Variants in TOX2 observed in about 807,000 individuals in gnomAD.
TOX2 encodes granulosa cell HMG box 1.
In TOX2, 15 loss-of-function variants were observed where a neutral mutation model predicts 47.4. That is an observed-to-expected ratio of 0.32 (90% CI 0.21 to 0.49). The LOEUF (loss-of-function observed/expected upper bound fraction) is 0.49, where lower values mean the gene tolerates loss of function less well. Among genes scored for constraint, TOX2 ranks in the 20% least tolerant of loss-of-function variants. The pLI is 0.99. For missense variants in TOX2, 622 were observed against 673.1 expected (o/e 0.92, Z 0.84); for synonymous variants, 290 against 296.6 (o/e 0.98, Z 0.23).
At chr20:43,982,944 C>T (rs1391080307) in intron 2 of TOX2, among the ~76,000 whole-genome samples, 2 of 151,700 alleles carry the variant, frequency 1.3e-5, no homozygotes, top group African/African-American at 4.8e-5. Context: ...GAGTGAGAAT[C>T]CCAGTGGCTC....
At chr20:44,016,042 T>C (rs1291772657) in intron 3 of TOX2, among the ~76,000 whole-genome samples, 1 of 152,074 alleles carries the variant, frequency 6.6e-6, no homozygotes, top group African/African-American at 2.4e-5. Context: ...AAACATGTTC[T>C]TTTCCATGTC....
intron 1 of TOX2, among the ~76,000 whole-genome samples, chr20:43,918,600 G>A (rs1278114463): frequency 1.3e-5 from 2 of 152,140 alleles, no homozygotes; most frequent in Non-Finnish European, 2.9e-5. Flanking sequence ...AAACATTTGT[G>A]TGTCTGTCTT....
rs921893095 is a variant in TOX2, at chr20:44,069,299, G to C, written c.*613G>C. The C allele has an allele frequency of 1.1e-5, 2 of 175,684 alleles. No individual in the cohort carries two copies. Among genetic ancestry groups the C allele is most frequent in the Non-Finnish European group, 2.5e-5 (2 of 81,312 alleles). The allele number at this position is 175,684 out of a possible 1,614,324, so 10.9% of individuals were successfully genotyped here. On this transcript the variant is annotated 3_prime_UTR_variant, in exon 9 of 9. Coordinates refer to ENST00000341197, the MANE Select transcript of TOX2 (RefSeq NM_001098797.2). Reference sequence around the variant, plus strand: ...TTAAGTTTTATCTTAAGGGAGACGCGCACAAAAGCGGCTGCCAAACCGTTT... The same window carrying C: ...TTAAGTTTTATCTTAAGGGAGACGCCCACAAAAGCGGCTGCCAAACCGTTT...
intron 5 of TOX2, among the ~76,000 whole-genome samples, 175 bp from the exon 6 acceptor site, chr20:44,064,602 A>G (rs2071776530): frequency 6.6e-6 from 1 of 152,192 alleles, no homozygotes; most frequent in Non-Finnish European, 1.5e-5. Context: ...CCTGGTCTCC[A>G]CAATTTCTCT....
chr20:43,965,562 C>T (rs2069836554), intron 1 of TOX2, among the ~76,000 whole-genome samples: 1 of 152,214 alleles, frequency 6.6e-6, no homozygotes, highest in Admixed American at 6.5e-5. Context: ...TCTCTCTTTT[C>T]AGTGCCTTTG....
At chr20:44,037,011 A>G (rs985483197) in intron 3 of TOX2, among the ~76,000 whole-genome samples, 1 of 152,032 alleles carries the variant, frequency 6.6e-6, no homozygotes, top group Non-Finnish European at 1.5e-5. Context: ...CTGGAGTGCA[A>G]TGGTGCGATC....
At chr20:44,049,030 C>CCT (rs2071463272) in intron 3 of TOX2, among the ~76,000 whole-genome samples, 1 of 152,220 alleles carries the variant, frequency 6.6e-6, no homozygotes, top group Non-Finnish European at 1.5e-5. Flanking sequence ...GTCCCAGCTA[C>CCT]CTGGGAGGCA....
At position 43,940,219 on chromosome 20, in the gene TOX2, C is replaced by CT. The variant is rs879932334; in HGVS notation, c.99+25240dup. Among the ~76,000 whole-genome samples the CT allele has an allele frequency of 9.8e-4, 143 of 146,068 alleles. 1 individual carries two copies. Among genetic ancestry groups the CT allele is most frequent in the Middle Eastern group, 3.5e-3 (1 of 282 alleles). ...AAGGATTTTAAATGGTGGGACGTCA[C>CT]TTTTTTTTTTTGAAGAGTTGGTGTC... is the stretch of plus-strand genomic sequence containing the variant. On this transcript the variant is annotated intron_variant, in intron 1 of 8. Transcript: ENST00000341197.
At chr20:43,989,441 G>A (rs1420653898) in intron 2 of TOX2, among the ~76,000 whole-genome samples, 1 of 152,108 alleles carries the variant, frequency 6.6e-6, no homozygotes, top group Non-Finnish European at 1.5e-5. Context: ...TCACACAGTC[G>A]TTAAGAGTGC....
rs759648221 is a variant in TOX2 at position 44,064,792 on chromosome 20, A to C, written c.895A>C (p.Thr299Pro). The change falls in exon 6 of 9, where the codon ACA (threonine) becomes CCA (proline). Residue 299 changes from threonine (T) to proline (P), a missense_variant. By Grantham distance (38) the Thr-to-Pro change is conservative. Coordinates refer to ENST00000341197, the MANE Select transcript of TOX2 (RefSeq NM_001098797.2). Reference protein sequence around the residue: ...EEQKQAYKRKTEAAKKEYLKA... With the variant: ...EEQKQAYKRKPEAAKKEYLKA... ...ACTCTTCCAGGCCTACAAGAGGAAG[A>C]CAGAAGCAGCAAAGAAGGAATATCT... 6.2e-7 allele frequency: 1 copy of C among 1,614,192 alleles called. No individual in the cohort carries two copies. Among genetic ancestry groups the C allele is most frequent in the Admixed American group, 1.7e-5 (1 of 60,028 alleles).
At chr20:44,016,367 G>C (rs1307819142) in intron 3 of TOX2, among the ~76,000 whole-genome samples, 1 of 152,058 alleles carries the variant, frequency 6.6e-6, no homozygotes, top group Admixed American at 6.6e-5. Flanking sequence ...CATGCAATCT[G>C]CCTGCCTCAG....
intron 1 of TOX2, chr20:43,945,627 C>T: frequency 5.7e-6 from 2 of 352,436 alleles, no homozygotes; most frequent in Non-Finnish European, 1.1e-5. Context: ...GGCTCTTAAG[C>T]CACAAATGAC....
At chr20:43,955,695 C>T (rs913237889) in intron 1 of TOX2, among the ~76,000 whole-genome samples, 7 of 152,210 alleles carry the variant, frequency 4.6e-5, no homozygotes, top group African/African-American at 1.4e-4. Context: ...CATGCTGGGG[C>T]TGTCATGGTT....
At chr20:44,047,852 T>TAAAAAA (rs1198225728) in intron 3 of TOX2, among the ~76,000 whole-genome samples, 1 of 141,886 alleles carries the variant, frequency 7.0e-6, no homozygotes, top group Non-Finnish European at 1.6e-5. Context: ...AAAAAAAAAT[T>TAAAAAA]AAAAAAAAAA....
chr20:43,992,168 C>T (rs1007313558), intron 2 of TOX2, among the ~76,000 whole-genome samples: 1 of 152,094 alleles, frequency 6.6e-6, no homozygotes, highest in African/African-American at 2.4e-5. Context: ...ACCAAGGCCC[C>T]GCAGTGGGAG....
At chr20:43,922,767 C>G (rs6031232) in intron 1 of TOX2, among the ~76,000 whole-genome samples, 1 of 152,068 alleles carries the variant, frequency 6.6e-6, no homozygotes, top group Non-Finnish European at 1.5e-5. Context: ...GATGAGCAAC[C>G]TGATTGTGGT....
chr20:44,035,962 C>T (rs1303322910), intron 3 of TOX2, among the ~76,000 whole-genome samples: 1 of 152,226 alleles, frequency 6.6e-6, no homozygotes, highest in Admixed American at 6.5e-5. Flanking sequence ...CTAGGATGCG[C>T]CTTCTGAGAT....
chr20:44,018,843 G>C (rs1166923145), intron 3 of TOX2, among the ~76,000 whole-genome samples: 1 of 152,186 alleles, frequency 6.6e-6, no homozygotes, highest in Non-Finnish European at 1.5e-5. Flanking sequence ...TGGGGCCCGG[G>C]CTATGGTGGT....
intron 1 of TOX2, among the ~76,000 whole-genome samples, chr20:43,932,432 A>C (rs2069263738): frequency 6.6e-6 from 1 of 152,234 alleles, no homozygotes; most frequent in South Asian, 2.1e-4. Context: ...TGCTGTTTAA[A>C]TGCCTTCGGT....
Sources: gnomAD v4.1 joint callset for allele counts (sites outside exome capture counted in the v4.1 genomes callset) on GRCh38, gnomAD v4.1.1 for gene constraint, MANE v1.5 for transcripts, NCBI Gene and HGNC (gene_info 2026-07-23, HGNC 2026-07-21) for gene names.